Variants in CHLSN observed in about 807,000 individuals in gnomAD.
CHLSN encodes cholesin, also known as protein cholesin.
At chr7:1,023,937 C>A in the CHLSN span, among the ~76,000 whole-genome samples, 1 of 151,994 alleles carries the variant, frequency 6.6e-6, no homozygotes, top group Non-Finnish European at 1.5e-5. The surrounding 1 kb of genome is among the most constrained non-coding windows in gnomAD (Gnocchi z 5.0). Context: ...ACCTCCTGGG[C>A]TCAAGCAATC....
At chr7:1,017,189 G>A in the CHLSN span, among the ~76,000 whole-genome samples, 9 of 152,088 alleles carry the variant, frequency 5.9e-5, no homozygotes, top group African/African-American at 2.2e-4. Flanking sequence ...CAGGCTCCCT[G>A]GGGAAGTGGT....
At chr7:1,025,347 T>C in the CHLSN span, 39,560 of 152,526 alleles carry the variant, frequency 0.26, 5,722 homozygotes, top group African/African-American at 0.38. Context: ...GAGAAGCAGC[T>C]GAGCCTATAG....
At chr7:1,062,968 T>G in the CHLSN span, among the ~76,000 whole-genome samples, 1 of 151,964 alleles carries the variant, frequency 6.6e-6, no homozygotes, top group South Asian at 2.1e-4. Context: ...ACCCTAACCC[T>G]CAACACCCTC....
the CHLSN span, among the ~76,000 whole-genome samples, chr7:1,067,756 T>C: frequency 3.7e-3 from 391 of 107,050 alleles, no homozygotes; most frequent in East Asian, 0.032. Flanking sequence ...CTGGAGTGCA[T>C]CCCAGAGGTG....
At chr7:1,107,789 T>A in the CHLSN span, among the ~76,000 whole-genome samples, 35 of 126,500 alleles carry the variant, frequency 2.8e-4, no homozygotes, top group South Asian at 5.3e-4. Context: ...CACACTGGAG[T>A]CCTGCACCCC....
chr7:1,040,690 C>CAAAAAAAAAAA, the CHLSN span, among the ~76,000 whole-genome samples: 2 of 145,388 alleles, frequency 1.4e-5, no homozygotes, highest in Admixed American at 6.8e-5. Flanking sequence ...TTAAAAAGAA[C>CAAAAAAAAAAA]AAAAAAAAAA....
chr7:1,060,034 G>GTAGTGGGGCGGGTCT, the CHLSN span, among the ~76,000 whole-genome samples: 1 of 111,064 alleles, frequency 9.0e-6, no homozygotes, highest in African/African-American at 3.6e-5. Context: ...AAGCGGGTCC[G>GTAGTGGGGCGGGTCT]TAGTGAGGCG....
the CHLSN span, among the ~76,000 whole-genome samples, chr7:1,011,974 G>C: frequency 6.6e-6 from 1 of 152,192 alleles, no homozygotes; most frequent in Non-Finnish European, 1.5e-5. Flanking sequence ...TTCATGGTGG[G>C]GATGTGGACA....
chr7:1,127,917 G>C, the CHLSN span, among the ~76,000 whole-genome samples: 3 of 55,026 alleles, frequency 5.5e-5, no homozygotes, highest in African/African-American at 5.7e-4. Context: ...ACCCGGGCTG[G>C]AGTGCAGTGG....
At chr7:1,064,405 G>A in the CHLSN span, among the ~76,000 whole-genome samples, 1 of 152,106 alleles carries the variant, frequency 6.6e-6, no homozygotes, top group African/African-American at 2.4e-5. Flanking sequence ...GAGACGCTGT[G>A]CAGGGAGGCT....
chr7:987,827 G>C, the CHLSN span, among the ~76,000 whole-genome samples: 2 of 151,420 alleles, frequency 1.3e-5, no homozygotes. Context: ...GGTGTGTCCT[G>C]GGGGTCCCCT....
At chr7:983,819 G>A in the CHLSN span, among the ~76,000 whole-genome samples, 3 of 152,198 alleles carry the variant, frequency 2.0e-5, no homozygotes, top group Admixed American at 6.5e-5. Context: ...TGTGAAATGG[G>A]AAGAGGACCT....
At chr7:1,120,311 T>G in the CHLSN span, among the ~76,000 whole-genome samples, 5 of 151,918 alleles carry the variant, frequency 3.3e-5, no homozygotes, top group Admixed American at 2.0e-4. Flanking sequence ...CATTTTGGGG[T>G]TTTTTTTATT....
chr7:1,006,436 C>A, the CHLSN span, among the ~76,000 whole-genome samples: 4 of 143,698 alleles, frequency 2.8e-5, no homozygotes, highest in Non-Finnish European at 6.1e-5. Context: ...ACGGCCACAG[C>A]GCAGGGAAAG....
At chr7:1,108,991 G>C in the CHLSN span, among the ~76,000 whole-genome samples, 16 of 150,968 alleles carry the variant, frequency 1.1e-4, no homozygotes, top group Admixed American at 2.0e-4. Context: ...TGCTTCCCAG[G>C]TTCAAGCGAT....
At chr7:1,033,972 G>A in the CHLSN span, among the ~76,000 whole-genome samples, 5 of 152,356 alleles carry the variant, frequency 3.3e-5, no homozygotes, top group African/African-American at 1.2e-4. Flanking sequence ...GGGGGCCACA[G>A]GCAGGAAAAG....
At chr7:1,000,472 T>G in the CHLSN span, 1 of 1,601,840 alleles carries the variant, frequency 6.2e-7, no homozygotes, top group Admixed American at 1.7e-5. Context: ...GCACACACCT[T>G]GTCACTGTCA....
chr7:1,061,404 C>T, the CHLSN span, among the ~76,000 whole-genome samples: 2 of 151,994 alleles, frequency 1.3e-5, no homozygotes, highest in Admixed American at 6.6e-5. Context: ...CCTGCCCCAA[C>T]CCCCTACCCA....
chr7:984,629 C>T, the CHLSN span: 2 of 1,516,368 alleles, frequency 1.3e-6, no homozygotes, highest in Non-Finnish European at 1.8e-6. Flanking sequence ...ACCTGGACCC[C>T]AGGAGGGGTG....
Sources: gnomAD v4.1 joint callset for allele counts (sites outside exome capture counted in the v4.1 genomes callset) on GRCh38, gnomAD v4.1.1 for gene constraint, Gnocchi (gnomAD v3.1) non-coding constraint, MANE v1.5 for transcripts, NCBI Gene and HGNC (gene_info 2026-07-23, HGNC 2026-07-21) for gene names.